Variants in SNRK observed in about 807,000 individuals in gnomAD.
SNRK encodes the protein SNF related kinase.
A neutral mutation model predicts 48.2 loss-of-function variants in SNRK; 3 were observed. The observed-to-expected ratio is 0.06, with a 90% CI of 0.03 to 0.16. The LOEUF (loss-of-function observed/expected upper bound fraction) is 0.16. SNRK is among the 10% of genes least tolerant of loss of function. The pLI, the probability that SNRK is intolerant of heterozygous loss-of-function variation, is 1.00. For missense variants in SNRK, 627 were observed against 976.0 expected, an observed-to-expected ratio of 0.64 and a Z score of 4.76; for synonymous variants, 376 against 366.1, an observed-to-expected ratio of 1.03 and a Z score of -0.31.
chr3:43,348,645 T>C lies in SNRK; in HGVS notation c.*88T>C, dbSNP rs1285745216. On this transcript the variant is annotated 3_prime_UTR_variant, in exon 7 of 7. Transcript: ENST00000296088. ...ACTGTTCCATTTGGTTTTACTATTT[T>C]AAAGTGGGCGTTAGGAGCAATTATT... 7.5e-7 allele frequency: 1 copy of C among 1,335,844 alleles called. No individual in the cohort carries two copies. Among genetic ancestry groups the C allele is most frequent in the Non-Finnish European group, 9.7e-7 (1 of 1,030,000 alleles). 82.7% of individuals were successfully genotyped at this position (1,335,844 alleles called of 1,614,324 possible). A position where few individuals can be genotyped will look rare whatever the true frequency, so the allele number is the denominator to read the frequency against.
rs139725678 is a variant in SNRK, at chr3:43,341,447, A to G, written c.944+948A>G. 1.6e-4 allele frequency among the ~76,000 whole-genome samples: 24 copies of G among 152,338 alleles called. No individual in the cohort carries two copies. The East Asian group carries it at 3.9e-3, about 24-fold the overall frequency. ...ATTACAGGTGTGAGCCACTGTGCCCAGCCCCAAAGCCAGATTTTAATAAAC... is the reference window on the plus strand; with the variant it reads ...ATTACAGGTGTGAGCCACTGTGCCCGGCCCCAAAGCCAGATTTTAATAAAC... On this transcript the variant is annotated intron_variant, in intron 5 of 6. Coordinates refer to ENST00000296088, the MANE Select transcript of SNRK (RefSeq NM_017719.5).
At chr3:43,336,240 C>CCTTCCCTCCCTT (rs1376554006) in intron 4 of SNRK, among the ~76,000 whole-genome samples, 9 of 150,086 alleles carry the variant, frequency 6.0e-5, no homozygotes, top group East Asian at 3.9e-4. Flanking sequence ...TCCCCTCTCT[C>CCTTCCCTCCCTT]CTTCCCTTTC....
intron 3 of SNRK, among the ~76,000 whole-genome samples, chr3:43,323,892 A>G (rs1158299651): frequency 6.6e-6 from 1 of 152,162 alleles, no homozygotes; most frequent in Non-Finnish European, 1.5e-5. Context: ...ACTTGCAAGG[A>G]CACACAATAG....
chr3:43,349,593 T>A lies in SNRK; in HGVS notation c.*1036T>A, dbSNP rs1317131252. ...TTTGAAATTGGCTGATGAAAAAATA[T>A]ACATAAAAGGGTAAAATTCACACAT... On this transcript the variant is annotated 3_prime_UTR_variant, in exon 7 of 7. Transcript: ENST00000296088. The A allele has an allele frequency of 6.6e-6, 1 of 152,234 alleles. No homozygotes were observed. The highest frequency in any genetic ancestry group is 1.9e-4 in the East Asian group (1 of 5,206). The allele number at this position is 152,234 out of a possible 1,614,324, so 9.4% of individuals were successfully genotyped here. A position where few individuals can be genotyped will look rare whatever the true frequency, so the allele number is the denominator to read the frequency against.
At position 43,351,132 on chromosome 3, in the gene SNRK, CA is replaced by C. The variant is rs1215904799; in HGVS notation, c.*2576del. The C allele has an allele frequency of 6.6e-6, 1 of 152,526 alleles. No homozygotes were observed. The highest frequency in any genetic ancestry group is 1.5e-5 in the Non-Finnish European group (1 of 68,018). 9.4% of individuals were successfully genotyped at this position (152,526 alleles called of 1,614,324 possible). ...AATAATAAAGTGACATATTGGTGTT[CA>C]GCAATATAAACCGTGTCCTGTGTTG... On this transcript the variant is annotated 3_prime_UTR_variant, in exon 7 of 7. Coordinates refer to ENST00000296088, the MANE Select transcript of SNRK (RefSeq NM_017719.5).
At chr3:43,295,379 T>G (rs2090844760) in intron 1 of SNRK, among the ~76,000 whole-genome samples, 1 of 152,178 alleles carries the variant, frequency 6.6e-6, no homozygotes, top group African/African-American at 2.4e-5. Flanking sequence ...ACATTCCTAG[T>G]CCCCTCAGCG....
At chr3:43,319,962 T>G (rs2091041485) in intron 3 of SNRK, among the ~76,000 whole-genome samples, 1 of 152,206 alleles carries the variant, frequency 6.6e-6, no homozygotes, top group Non-Finnish European at 1.5e-5. Flanking sequence ...GAAGCCCTTT[T>G]TTGGATCTGA....
At chr3:43,326,700 G>A (rs1242332482) in intron 3 of SNRK, among the ~76,000 whole-genome samples, 1 of 152,088 alleles carries the variant, frequency 6.6e-6, no homozygotes, top group Non-Finnish European at 1.5e-5. Flanking sequence ...GGGAGTCTGG[G>A]ATGTCTCCTA....
intron 1 of SNRK, among the ~76,000 whole-genome samples, chr3:43,289,479 T>G (rs1365037637): frequency 6.6e-6 from 1 of 152,182 alleles, no homozygotes; most frequent in Non-Finnish European, 1.5e-5. Flanking sequence ...TTGTTTTGTT[T>G]TGTTTTAACT....
intron 2 of SNRK, among the ~76,000 whole-genome samples, chr3:43,302,547 C>T (rs536483864): frequency 2.8e-4 from 43 of 152,012 alleles, no homozygotes; most frequent in African/African-American, 9.6e-4. Context: ...AATAAGACCA[C>T]ATAGAATAGA....
At chr3:43,315,275 A>G (rs2091006145) in intron 3 of SNRK, 1 of 152,174 alleles carries the variant, frequency 6.6e-6, no homozygotes, top group Non-Finnish European at 1.5e-5. Context: ...ATCTGCAATT[A>G]TAAGTTGTAC....
At chr3:43,301,613 T>C (rs1039657589) in intron 2 of SNRK, among the ~76,000 whole-genome samples, 4 of 152,062 alleles carry the variant, frequency 2.6e-5, no homozygotes, top group Admixed American at 1.3e-4. Context: ...TAAAAATAAA[T>C]AGCAGTTTTT....
At chr3:43,318,820 G>T (rs1291398854) in intron 3 of SNRK, among the ~76,000 whole-genome samples, 1 of 152,046 alleles carries the variant, frequency 6.6e-6, no homozygotes. Flanking sequence ...GAAGCCAGGA[G>T]AGTTCGAGAC....
Position 43,340,486 on chromosome 3 carries a change from G to T in SNRK, c.931G>T (p.Asp311Tyr). The change falls in exon 5 of 7, where the codon GAC (aspartate) becomes TAC (tyrosine). Residue 311 changes from aspartate to tyrosine, a missense_variant. Asp to Tyr is a radical substitution (Grantham distance 160). Transcript: ENST00000296088. Reference sequence around the variant, plus strand: ...GGTGCTTGGGGACATAGCGGATCGAGACGCCATTGTAGAGTACGTCAATGC... The same window carrying T: ...GGTGCTTGGGGACATAGCGGATCGATACGCCATTGTAGAGTACGTCAATGC... ...RMVLGDIADR[D>Y]AIVEALETNR... is the part of the protein sequence containing the mutation. The T allele has an allele frequency of 6.2e-7, 1 of 1,614,134 alleles. No individual in the cohort carries two copies. The highest frequency in any genetic ancestry group is 1.1e-5 in the South Asian group (1 of 91,078).
Position 43,350,364 on chromosome 3 carries a change from TA to T in SNRK, c.*1810del, listed in dbSNP as rs2091313987. 1 of 152,654 alleles carries T rather than the reference TA, an allele frequency of 6.6e-6. No individual in the cohort carries two copies. The highest frequency in any genetic ancestry group is 1.5e-5 in the Non-Finnish European group (1 of 68,040). The allele number at this position is 152,654 out of a possible 1,614,324, so 9.5% of individuals were successfully genotyped here. ...GTATTAAACATAGGAGAGAAGTTTA[TA>T]AAGGGCATTGGCAATAAACTCTTTG... On this transcript the variant is annotated 3_prime_UTR_variant, in exon 7 of 7. Coordinates refer to ENST00000296088, the MANE Select transcript of SNRK (RefSeq NM_017719.5).
At chr3:43,309,596 A>T (rs1178695603) in intron 3 of SNRK, among the ~76,000 whole-genome samples, 1 of 144,356 alleles carries the variant, frequency 6.9e-6, no homozygotes, top group African/African-American at 2.5e-5. Flanking sequence ...TTGAAGGCTC[A>T]TTTTTTAGAA....
At chr3:43,299,435 CA>C (rs2090882119) in intron 1 of SNRK, among the ~76,000 whole-genome samples, 1 of 152,154 alleles carries the variant, frequency 6.6e-6, no homozygotes, top group Non-Finnish European at 1.5e-5. Context: ...CTCGGCCTCC[CA>C]AAGTGCTGGG....
At chr3:43,318,475 C>T (rs2091028964) in intron 3 of SNRK, among the ~76,000 whole-genome samples, 1 of 151,888 alleles carries the variant, frequency 6.6e-6, no homozygotes, top group African/African-American at 2.4e-5. Flanking sequence ...CATATGGAAG[C>T]TGAATCAACT....
At chr3:43,342,635 A>G (rs1251547775) in intron 5 of SNRK, among the ~76,000 whole-genome samples, 1 of 152,238 alleles carries the variant, frequency 6.6e-6, no homozygotes, top group African/African-American at 2.4e-5. Context: ...GAATCCGCCA[A>G]AGCCAAAGCA....
Sources: allele counts gnomAD v4.1 joint callset (sites outside exome capture counted in the v4.1 genomes callset), GRCh38; gene constraint gnomAD v4.1.1; transcripts MANE v1.5; gene names NCBI Gene and HGNC (gene_info 2026-07-23, HGNC 2026-07-21).